Variants in MCPH1 observed in about 807,000 individuals in gnomAD.
The protein encoded by MCPH1 is microcephalin 1, also known as microcephalin.
In MCPH1, 104 loss-of-function variants were observed where a neutral mutation model predicts 84.5. The observed-to-expected ratio is 1.23, with a 90% CI of 1.05 to 1.45. The LOEUF (loss-of-function observed/expected upper bound fraction) is 1.45, where lower values mean the gene tolerates loss of function less well. Among genes scored for constraint, MCPH1 ranks in the 40% most tolerant of loss-of-function variants. The pLI is 0.00. For missense variants in MCPH1, 1,498 were observed against 1,005.7 expected (o/e 1.49, Z -6.62); for synonymous variants, 514 against 366.8 (o/e 1.40, Z -4.58).
At chr8:6,623,186 G>A (rs1413576732) in intron 13 of MCPH1, among the ~76,000 whole-genome samples, 1 of 151,664 alleles carries the variant, frequency 6.6e-6, no homozygotes, top group African/African-American at 2.4e-5. Flanking sequence ...CTTTTTCAAG[G>A]CCCCATCTCC....
At chr8:6,427,512 C>G (rs767832256) in intron 3 of MCPH1, among the ~76,000 whole-genome samples, 1 of 152,114 alleles carries the variant, frequency 6.6e-6, no homozygotes, top group Non-Finnish European at 1.5e-5. Flanking sequence ...GCTGGGACTA[C>G]AGGCGTGTGC....
intron 2 of MCPH1, 73 bp downstream of exon 2, chr8:6,409,443 T>G (rs995969645): frequency 2.0e-5 from 26 of 1,281,800 alleles, no homozygotes; most frequent in Non-Finnish European, 5.7e-6. Context: ...TGCATTTTCT[T>G]ATTTTGGGAG....
intron 12 of MCPH1, among the ~76,000 whole-genome samples, chr8:6,540,087 C>T (rs1044858630): frequency 1.3e-5 from 2 of 152,158 alleles, no homozygotes; most frequent in Non-Finnish European, 2.9e-5. Context: ...ATAGGTACAC[C>T]CTACAGTAAT....
intron 11 of MCPH1, among the ~76,000 whole-genome samples, chr8:6,483,846 A>G (rs1010408517): frequency 1.1e-4 from 16 of 151,684 alleles, no homozygotes; most frequent in Middle Eastern, 3.4e-3. Context: ...GGTGACAGAG[A>G]GACACCCTGT....
At chr8:6,543,799 A>G (rs1018599923) in intron 12 of MCPH1, among the ~76,000 whole-genome samples, 14 of 152,108 alleles carry the variant, frequency 9.2e-5, no homozygotes, top group African/African-American at 3.4e-4. Flanking sequence ...GAGTTTTTTC[A>G]TATTTTCATA....
chr8:6,641,109 A>G (rs1056076842), intron 13 of MCPH1, among the ~76,000 whole-genome samples: 33 of 152,144 alleles, frequency 2.2e-4, no homozygotes, highest in African/African-American at 7.5e-4. Context: ...TTTCTTTCCT[A>G]TAAACTTTAG....
intron 9 of MCPH1, among the ~76,000 whole-genome samples, chr8:6,457,398 A>G (rs1361637024): frequency 2.0e-5 from 3 of 151,926 alleles, no homozygotes; most frequent in African/African-American, 7.3e-5. Context: ...CAGCCTGGCC[A>G]ACATGGCAAA....
intron 12 of MCPH1, among the ~76,000 whole-genome samples, chr8:6,559,883 C>G (rs948870963): frequency 6.6e-6 from 1 of 152,192 alleles, no homozygotes; most frequent in Non-Finnish European, 1.5e-5. Flanking sequence ...CCTTGTTTAA[C>G]TACTACACAG....
chr8:6,625,784 TAAAAAGAAAAA>T, intron 13 of MCPH1: 2 of 983,686 alleles, frequency 2.0e-6, no homozygotes, highest in Non-Finnish European at 2.4e-6. Flanking sequence ...ACCCCATCTC[TAAAAAGAAAAA>T]AAAAAGAATC....
At chr8:6,596,919 T>C (rs1432657388) in intron 12 of MCPH1, among the ~76,000 whole-genome samples, 1 of 152,162 alleles carries the variant, frequency 6.6e-6, no homozygotes, top group Non-Finnish European at 1.5e-5. Context: ...AGAAAACTCT[T>C]GTATAGAGGA....
chr8:6,605,871 T>G (rs1829734440), intron 12 of MCPH1, among the ~76,000 whole-genome samples: 1 of 152,156 alleles, frequency 6.6e-6, no homozygotes, highest in African/African-American at 2.4e-5. Flanking sequence ...CTAATTTTTG[T>G]ATTTTTAGTA....
intron 2 of MCPH1, among the ~76,000 whole-genome samples, chr8:6,414,200 G>A (rs972466485): frequency 3.3e-5 from 5 of 152,168 alleles, no homozygotes; most frequent in Admixed American, 2.0e-4. Context: ...TAGAGACAAG[G>A]TTTCACCAGG....
At chr8:6,620,256 G>C (rs1290782291) in intron 12 of MCPH1, 1 of 152,148 alleles carries the variant, frequency 6.6e-6, no homozygotes, top group African/African-American at 2.4e-5. Flanking sequence ...GAGAGAACAA[G>C]CAAATTCCAT....
At chr8:6,490,431 A>T (rs1255081457) in intron 11 of MCPH1, among the ~76,000 whole-genome samples, 5 of 152,310 alleles carry the variant, frequency 3.3e-5, no homozygotes, top group African/African-American at 1.2e-4. Context: ...CAAGGCTTCT[A>T]AACTCTATCC....
intron 9 of MCPH1, among the ~76,000 whole-genome samples, chr8:6,467,101 G>T (rs960619693): frequency 3.3e-5 from 5 of 152,236 alleles, no homozygotes; most frequent in Middle Eastern, 3.4e-3. Context: ...TTATAATAGG[G>T]TTTGTTAAAA....
At position 6,414,232 on chromosome 8, in the gene MCPH1, T is replaced by G. The variant is rs1419095132; in HGVS notation, c.115-533T>G. On this transcript the variant is annotated intron_variant, in intron 2 of 13. Coordinates refer to ENST00000344683, the MANE Select transcript of MCPH1 (RefSeq NM_024596.5). ...CAGGTTGGCTAGGCTGGTCTCAAAC[T>G]GCTGACCTCAGGTGATCCACCTGCC... Among the ~76,000 whole-genome samples, 13 of 152,268 alleles carry G rather than the reference T, an allele frequency of 8.5e-5. No homozygotes were observed. In the South Asian group the frequency reaches 2.5e-3, roughly 29 times the overall value.
At chr8:6,621,714 G>A (rs745486618) in intron 13 of MCPH1, 23 bp downstream of exon 13, 10 of 1,613,852 alleles carry the variant, frequency 6.2e-6, no homozygotes, top group South Asian at 1.1e-5. Context: ...GCACACAGAC[G>A]CTGTGGTGTG....
At chr8:6,636,575 C>A (rs1797571994) in intron 13 of MCPH1, among the ~76,000 whole-genome samples, 1 of 152,116 alleles carries the variant, frequency 6.6e-6, no homozygotes, top group South Asian at 2.1e-4. Context: ...TAACTCCTGG[C>A]CTCAAGCGAT....
intron 3 of MCPH1, among the ~76,000 whole-genome samples, chr8:6,420,020 G>C (rs1799934762): frequency 6.6e-6 from 1 of 151,438 alleles, no homozygotes; most frequent in African/African-American, 2.4e-5. Flanking sequence ...CTGCTGTCTT[G>C]CATAGTTTCT....
Sources: gnomAD v4.1 joint callset for allele counts (sites outside exome capture counted in the v4.1 genomes callset) on GRCh38, gnomAD v4.1.1 for gene constraint, MANE v1.5 for transcripts, NCBI Gene and HGNC (gene_info 2026-07-23, HGNC 2026-07-21) for gene names.